Variants in TAOK3 observed in about 807,000 individuals in gnomAD.
TAOK3 encodes the protein serine/threonine-protein kinase TAO3.
Under a neutral mutation model 120.4 loss-of-function variants are expected in TAOK3, and 40 were observed. The ratio of observed to expected loss-of-function variants is 0.33; its 90% confidence interval spans 0.26 to 0.43. The LOEUF (loss-of-function observed/expected upper bound fraction) is 0.43, where lower values mean the gene tolerates loss of function less well. Ranked by LOEUF, TAOK3 falls within the 20% of genes least tolerant of loss-of-function variation. The pLI is 1.00. For synonymous variants in TAOK3, 355 were observed against 387.5 expected, an observed-to-expected ratio of 0.92 and a Z score of 0.99; for missense variants, 821 against 1,112.1, an observed-to-expected ratio of 0.74 and a Z score of 3.72.
At chr12:118,202,565 G>A (rs1475930980) in intron 11 of TAOK3, among the ~76,000 whole-genome samples, 2 of 151,946 alleles carry the variant, frequency 1.3e-5, no homozygotes, top group Non-Finnish European at 2.9e-5. Flanking sequence ...ATTCTAACAG[G>A]TGTGAGGTGA....
At chr12:118,205,777 C>T (rs150234005) in intron 11 of TAOK3, among the ~76,000 whole-genome samples, 1,710 of 152,072 alleles carry the variant, frequency 0.011, 42 homozygotes, top group African/African-American at 0.039. Context: ...CGCCCAACTA[C>T]TTTTTGTATT....
intron 1 of TAOK3, among the ~76,000 whole-genome samples, chr12:118,313,831 A>G (rs1416269828): frequency 6.6e-6 from 1 of 152,244 alleles, no homozygotes; most frequent in Non-Finnish European, 1.5e-5. Context: ...TTATGGATTT[A>G]TCTTACTTGG....
At chr12:118,229,301 C>T (rs2039655334) in intron 9 of TAOK3, among the ~76,000 whole-genome samples, 1 of 151,910 alleles carries the variant, frequency 6.6e-6, no homozygotes, top group Non-Finnish European at 1.5e-5. Context: ...GGTTTCACCA[C>T]GTTGGCCAGG....
chr12:118,208,424 GA>G (rs33967442), intron 11 of TAOK3, among the ~76,000 whole-genome samples: 109,415 of 151,258 alleles, frequency 0.72, 39,571 homozygotes, highest in South Asian at 0.76. Flanking sequence ...AGAGAAATAG[GA>G]AAAAAAAAAT....
intron 1 of TAOK3, among the ~76,000 whole-genome samples, chr12:118,307,838 A>G (rs1391030610): frequency 6.6e-6 from 1 of 152,196 alleles, no homozygotes; most frequent in African/African-American, 2.4e-5. Flanking sequence ...TACTGCTCCA[A>G]TGAGTAGTCT....
chr12:118,310,999 G>A (rs1405915515), intron 1 of TAOK3, among the ~76,000 whole-genome samples: 1 of 152,114 alleles, frequency 6.6e-6, no homozygotes, highest in African/African-American at 2.4e-5. Flanking sequence ...AGTTTGTGTA[G>A]ATATCTACAG....
At chr12:118,235,694 T>C (rs367987968) in intron 7 of TAOK3, 23 bp from the exon 8 acceptor site, 20 of 1,462,710 alleles carry the variant, frequency 1.4e-5, no homozygotes, top group Non-Finnish European at 1.8e-5. Flanking sequence ...AAAAAAGGGT[T>C]AGAAAATTAC....
intron 9 of TAOK3, among the ~76,000 whole-genome samples, chr12:118,215,125 C>T (rs1198917812): frequency 1.3e-5 from 2 of 150,442 alleles, no homozygotes; most frequent in Non-Finnish European, 3.0e-5. Context: ...GTGATCCACC[C>T]GTCTTGGCCT....
chr12:118,265,785 G>T lies in TAOK3; in HGVS notation c.-89+870C>A, dbSNP rs555264962. On this transcript the variant is annotated intron_variant, in intron 2 of 20. Coordinates refer to ENST00000392533, the MANE Select transcript of TAOK3 (RefSeq NM_016281.4). ...AAGAGGCAAGGCATAATTAGGGAAC[G>T]TACAGAAGGAATACGACAGTGCATC... Among the ~76,000 whole-genome samples, 4 of 152,254 alleles carry T rather than the reference G, an allele frequency of 2.6e-5. 1 individual carries two copies. The South Asian group carries it at 8.3e-4, about 32-fold the overall frequency.
intron 1 of TAOK3, among the ~76,000 whole-genome samples, chr12:118,347,333 T>C (rs992731352): frequency 1.3e-5 from 2 of 152,152 alleles, no homozygotes; most frequent in Admixed American, 1.3e-4. Context: ...CTTAATTCTT[T>C]ATCCTACTAC....
At chr12:118,213,575 A>G (rs890609524) in intron 10 of TAOK3, among the ~76,000 whole-genome samples, 1 of 152,172 alleles carries the variant, frequency 6.6e-6, no homozygotes, top group Non-Finnish European at 1.5e-5. Context: ...GTATCTGAAT[A>G]GATAATGTAT....
At chr12:118,363,745 TGTGTGTGTGTGA>T (rs1232902962) in intron 1 of TAOK3, among the ~76,000 whole-genome samples, 37 of 151,130 alleles carry the variant, frequency 2.4e-4, no homozygotes, top group Admixed American at 2.4e-3. Context: ...TGTGTGTGTG[TGTGTGTGTGTGA>T]GAGAGAGAGA....
chr12:118,151,705 T>C (rs2034456448), intron 20 of TAOK3, among the ~76,000 whole-genome samples: 1 of 152,262 alleles, frequency 6.6e-6, no homozygotes, highest in South Asian at 2.1e-4. Flanking sequence ...AGATGCCTTA[T>C]GAAATGTTTT....
At chr12:118,291,715 G>A (rs1401500405) in intron 1 of TAOK3, among the ~76,000 whole-genome samples, 1 of 152,152 alleles carries the variant, frequency 6.6e-6, no homozygotes, top group Non-Finnish European at 1.5e-5. Flanking sequence ...ACTGGCATTT[G>A]AGATCATTCG....
chr12:118,350,442 G>T (rs971404013), intron 1 of TAOK3, among the ~76,000 whole-genome samples: 3 of 152,198 alleles, frequency 2.0e-5, no homozygotes, highest in Non-Finnish European at 4.4e-5. Flanking sequence ...GGTTCGTTGA[G>T]ATACTCATTA....
At chr12:118,275,423 T>C (rs566070230) in intron 1 of TAOK3, among the ~76,000 whole-genome samples, 6 of 152,202 alleles carry the variant, frequency 3.9e-5, no homozygotes, top group Non-Finnish European at 7.3e-5. Context: ...CATGAGCCAT[T>C]GTGCCTGGCT....
At chr12:118,324,935 A>G (rs1187010860) in intron 1 of TAOK3, among the ~76,000 whole-genome samples, 1 of 150,846 alleles carries the variant, frequency 6.6e-6, no homozygotes, top group African/African-American at 2.4e-5. Flanking sequence ...TTTAGTAGAG[A>G]CGGGGTTTCA....
intron 1 of TAOK3, among the ~76,000 whole-genome samples, chr12:118,361,374 C>T (rs1173780423): frequency 6.6e-6 from 1 of 151,918 alleles, no homozygotes; most frequent in Admixed American, 6.6e-5. Context: ...CAAGGCTGCT[C>T]CAAGAAAAAT....
At chr12:118,306,528 T>C (rs887647531) in intron 1 of TAOK3, among the ~76,000 whole-genome samples, 21 of 152,164 alleles carry the variant, frequency 1.4e-4, no homozygotes, top group Admixed American at 3.3e-4. Flanking sequence ...TTTTGACTTA[T>C]ATTCTTCATG....
Sources: allele counts gnomAD v4.1 joint callset (sites outside exome capture counted in the v4.1 genomes callset), GRCh38; gene constraint gnomAD v4.1.1; transcripts MANE v1.5; gene names NCBI Gene and HGNC (gene_info 2026-07-23, HGNC 2026-07-21).